SLC12A2: variants seen among roughly 807,000 people sequenced by gnomAD.
The protein encoded by SLC12A2 is Na-K-2Cl cotransporter 1.
A neutral mutation model predicts 136.3 loss-of-function variants in SLC12A2; 67 were observed. The observed-to-expected ratio is 0.49, with a 90% CI of 0.40 to 0.60. The LOEUF is 0.60. SLC12A2 is among the 20% of genes least tolerant of loss of function. The pLI, the probability that SLC12A2 is intolerant of heterozygous loss-of-function variation, is 0.00. For missense variants in SLC12A2, 1,322 were observed against 1,534.7 expected (o/e 0.86, Z 2.32); for synonymous variants, 619 against 562.9 (o/e 1.10, Z -1.41).
At chr5:128,184,191 T>G (rs1763796815) in intron 24 of SLC12A2, among the ~76,000 whole-genome samples, 175 bp from the exon 25 acceptor site, 1 of 152,086 alleles carries the variant, frequency 6.6e-6, no homozygotes, top group Non-Finnish European at 1.5e-5. Flanking sequence ...TTTGAGAGAC[T>G]AGAAATTGCT....
intron 17 of SLC12A2, 118 bp from the exon 18 acceptor site, chr5:128,167,643 A>G (rs145140777): frequency 1.7e-6 from 1 of 593,018 alleles, no homozygotes; most frequent in Non-Finnish European, 2.9e-6. Flanking sequence ...GGAATGCTGA[A>G]GAATTTTTGT....
chr5:128,092,138 C>T (rs1760348600), intron 1 of SLC12A2, among the ~76,000 whole-genome samples: 1 of 152,132 alleles, frequency 6.6e-6, no homozygotes, highest in Non-Finnish European at 1.5e-5. Flanking sequence ...ATATCAACTC[C>T]ATTCTAAATA....
At chr5:128,184,534 T>G in intron 25 of SLC12A2, 33 bp downstream of exon 25, 2 of 1,533,234 alleles carry the variant, frequency 1.3e-6, no homozygotes, top group Non-Finnish European at 1.8e-6. Context: ...CATTAATCTT[T>G]TATATAATAA....
At chr5:128,109,220 C>T (rs745525821) in intron 1 of SLC12A2, among the ~76,000 whole-genome samples, 2 of 152,176 alleles carry the variant, frequency 1.3e-5, no homozygotes, top group African/African-American at 2.4e-5. Flanking sequence ...CATCATTGTC[C>T]TGAGAAAGAG....
intron 24 of SLC12A2, among the ~76,000 whole-genome samples, chr5:128,183,638 T>TAG (rs985550631): frequency 1.2e-4 from 18 of 151,972 alleles, no homozygotes; most frequent in Middle Eastern, 3.2e-3. Flanking sequence ...TCTTTGGATG[T>TAG]AGAAATTAAT....
intron 22 of SLC12A2, 108 bp from the exon 23 acceptor site, chr5:128,180,773 ATT>A (rs1222010435): frequency 1.5e-6 from 1 of 679,338 alleles, no homozygotes; most frequent in African/African-American, 1.8e-5. Flanking sequence ...GGACAGAAAG[ATT>A]TTTGTTTCAT....
chr5:128,178,606 A>C lies in SLC12A2; in HGVS notation c.3017A>C (p.Gln1006Pro). The change falls in exon 22 of 27, where the codon CAA (glutamine) becomes CCA (proline). Residue 1006 changes from glutamine (Q) to proline (P), a missense_variant. Around this residue, in one of 8 missense-constraint regions of SLC12A2, gnomAD observed 226 missense variants for 210.4 expected, o/e 1.07. Coordinates refer to ENST00000262461, the MANE Select transcript of SLC12A2 (RefSeq NM_001046.3). ...GPIVPLNVAD[Q>P]KLLEASTQFQ... ...ATTGTGCCTTTAAATGTAGCTGACCAAAAGCTTCTTGAAGCTAGTACACAG... is the reference window on the plus strand; with the variant it reads ...ATTGTGCCTTTAAATGTAGCTGACCCAAAGCTTCTTGAAGCTAGTACACAG... The C allele has an allele frequency of 1.2e-6, 2 of 1,600,650 alleles. No individual in the cohort carries two copies. Among genetic ancestry groups the C allele is most frequent in the Non-Finnish European group, 1.7e-6 (2 of 1,173,876 alleles).
At position 128,187,418 on chromosome 5, in the gene SLC12A2, CA is replaced by C. The variant is rs1405532384; in HGVS notation, c.*792del. On this transcript the variant is annotated 3_prime_UTR_variant, in exon 27 of 27. Transcript: ENST00000262461. ...CTTAAAAATCACGTCATTCTTTAAA[CA>C]AAAATACTCAAGATCATTTATATTT... 1 of 151,924 alleles carries C rather than the reference CA, an allele frequency of 6.6e-6. No homozygotes were observed. The highest frequency in any genetic ancestry group is 1.5e-5 in the Non-Finnish European group (1 of 67,948). 9.4% of individuals were successfully genotyped at this position (151,924 alleles called of 1,614,324 possible).
intron 22 of SLC12A2, among the ~76,000 whole-genome samples, chr5:128,178,917 C>T (rs1763616526): frequency 6.6e-6 from 1 of 152,006 alleles, no homozygotes; most frequent in Non-Finnish European, 1.5e-5. Context: ...ATGACCTTAA[C>T]TTTTTTTTAA....
chr5:128,184,914 A>G (rs1763821167), intron 26 of SLC12A2, 58 bp downstream of exon 26: 1 of 1,418,262 alleles, frequency 7.1e-7, no homozygotes, highest in Non-Finnish European at 9.9e-7. Context: ...GCTTTGAATT[A>G]ATTTCTATTC....
At chr5:128,122,716 C>T (rs1245079903) in intron 4 of SLC12A2, among the ~76,000 whole-genome samples, 1 of 152,084 alleles carries the variant, frequency 6.6e-6, no homozygotes, top group Non-Finnish European at 1.5e-5. Context: ...CGTACTGTGA[C>T]AGAAAAGTGC....
At chr5:128,109,952 C>G in intron 1 of SLC12A2, 1 of 888,644 alleles carries the variant, frequency 1.1e-6, no homozygotes, top group Non-Finnish European at 1.9e-6. Context: ...AACTGGAAAC[C>G]ATTGCTCAGA....
chr5:128,165,167 G>C (rs1315505292), intron 17 of SLC12A2, among the ~76,000 whole-genome samples: 1 of 152,072 alleles, frequency 6.6e-6, no homozygotes, highest in Non-Finnish European at 1.5e-5. Flanking sequence ...TTAAAAAAGA[G>C]ACAATCTTAT....
chr5:128,169,481 G>A (rs1459187383), intron 18 of SLC12A2: 1 of 152,088 alleles, frequency 6.6e-6, no homozygotes, highest in East Asian at 1.9e-4. Flanking sequence ...TCTTTATATG[G>A]ATTAGTAATA....
chr5:128,098,349 C>T lies in SLC12A2; in HGVS notation c.756+13639C>T, dbSNP rs1760617588. 3.3e-5 allele frequency among the ~76,000 whole-genome samples: 5 copies of T among 151,970 alleles called. No individual in the cohort carries two copies. The South Asian group carries it at 1.0e-3, about 32-fold the overall frequency. On this transcript the variant is annotated intron_variant, in intron 1 of 26. Coordinates refer to ENST00000262461, the MANE Select transcript of SLC12A2 (RefSeq NM_001046.3). The stretch of plus-strand genomic sequence containing the variant: ...TAGTTTTCATTTCTCTATTAGATTC[C>T]ATCTCTGTTACTCATTGATATATTT...
At chr5:128,152,957 A>G in intron 15 of SLC12A2, 152 bp downstream of exon 15, 2 of 589,184 alleles carry the variant, frequency 3.4e-6, no homozygotes. Context: ...AGAAAAATTA[A>G]TATCTACCTT....
intron 10 of SLC12A2, among the ~76,000 whole-genome samples, chr5:128,143,826 T>C (rs952548939): frequency 6.6e-6 from 1 of 150,994 alleles, no homozygotes; most frequent in Admixed American, 6.6e-5. Context: ...ATGTGTTTTA[T>C]GTACAATCTG....
intron 18 of SLC12A2, chr5:128,168,903 G>C (rs1214745806): frequency 1.3e-5 from 2 of 152,022 alleles, no homozygotes; most frequent in African/African-American, 4.8e-5. Context: ...GGGGACCCTT[G>C]GTATAGTGCG....
At chr5:128,148,660 A>G (rs1323110569) in intron 11 of SLC12A2, 94 bp from the exon 12 acceptor site, 1 of 1,017,934 alleles carries the variant, frequency 9.8e-7, no homozygotes, top group Non-Finnish European at 1.4e-6. Flanking sequence ...AGAATTAGAA[A>G]CTTGAATCTC....
Sources: allele counts gnomAD v4.1 joint callset (sites outside exome capture counted in the v4.1 genomes callset), GRCh38; gene constraint gnomAD v4.1.1; regional missense constraint gnomAD v4.1.1; transcripts MANE v1.5; gene names NCBI Gene and HGNC (gene_info 2026-07-23, HGNC 2026-07-21).